Variants in OLA1 observed in about 807,000 individuals in gnomAD.
OLA1 encodes obg-like ATPase 1.
In OLA1, 14 loss-of-function variants were observed where a neutral mutation model predicts 48.4. That is an observed-to-expected ratio of 0.29 (90% CI 0.19 to 0.45). OLA1 has a LOEUF of 0.45. OLA1 is among the 20% of genes least tolerant of loss of function. The probability of loss-of-function intolerance (pLI) is 1.00; values close to 1 mark genes in which losing one functional copy is unlikely to be tolerated. For missense variants in OLA1, 325 were observed against 467.1 expected, an observed-to-expected ratio of 0.70 and a Z score of 2.80; for synonymous variants, 127 against 150.4, an observed-to-expected ratio of 0.84 and a Z score of 1.14.
intron 2 of OLA1, among the ~76,000 whole-genome samples, chr2:174,244,305 A>AT (rs1294955290): frequency 1.3e-5 from 2 of 152,366 alleles, no homozygotes; most frequent in East Asian, 3.9e-4. Context: ...AAATGAGTGA[A>AT]TTTTACTATT....
chr2:174,196,527 G>A (rs1002895225), intron 4 of OLA1, among the ~76,000 whole-genome samples: 1 of 152,170 alleles, frequency 6.6e-6, no homozygotes, highest in Non-Finnish European at 1.5e-5. Context: ...CAGTTCAAGG[G>A]AAGAACTTCA....
At chr2:174,105,491 T>G (rs1371126359) in intron 7 of OLA1, among the ~76,000 whole-genome samples, 1 of 152,028 alleles carries the variant, frequency 6.6e-6, no homozygotes, top group East Asian at 1.9e-4. Context: ...AATTAATGTA[T>G]AACACCACCT....
In OLA1 at chr2:174,123,595, C is replaced by T; in HGVS notation, c.630G>A (p.Glu210=). Residue 210 remains glutamate, a splice_region_variant and synonymous_variant, in exon 6 of 11, where the codon GAG becomes GAA. Transcript: ENST00000284719. ...VRFYHDWNDK[E]IEVLNKHLFL... is the part of the protein sequence containing the mutation. ...AGATGGCATGATATTTACAACTTAC[C>T]TCTTTGTCATTCCAATCATGATAGA... The T allele has an allele frequency of 6.4e-7, 1 of 1,569,772 alleles. No homozygotes were observed. The highest frequency in any genetic ancestry group is 8.7e-7 in the Non-Finnish European group (1 of 1,155,850).
intron 7 of OLA1, among the ~76,000 whole-genome samples, chr2:174,102,333 G>A (rs1192471302): frequency 2.0e-5 from 3 of 151,896 alleles, no homozygotes; most frequent in Admixed American, 6.6e-5. Context: ...CAAAAGGCAA[G>A]TGAAAAAAGT....
chr2:174,148,461 C>A (rs1438969307), intron 4 of OLA1, among the ~76,000 whole-genome samples: 1 of 152,012 alleles, frequency 6.6e-6, no homozygotes, highest in Non-Finnish European at 1.5e-5. Flanking sequence ...TCACATAATG[C>A]GTAACTAAAA....
intron 4 of OLA1, among the ~76,000 whole-genome samples, chr2:174,219,006 T>TTTTTTTTTTTTTTTTTTTG (rs57416373): frequency 1.5e-5 from 2 of 135,802 alleles, no homozygotes. Flanking sequence ...TTTTTTTTTT[T>TTTTTTTTTTTTTTTTTTTG]GTAGCAATGT....
At chr2:174,110,985 T>C (rs1194006104) in intron 7 of OLA1, among the ~76,000 whole-genome samples, 2 of 152,212 alleles carry the variant, frequency 1.3e-5, no homozygotes, top group Non-Finnish European at 2.9e-5. Context: ...TCTATCTATG[T>C]TCATACACAT....
chr2:174,223,663 C>A (rs915522385), intron 3 of OLA1, among the ~76,000 whole-genome samples: 1 of 147,686 alleles, frequency 6.8e-6, no homozygotes, highest in South Asian at 2.1e-4. Flanking sequence ...AGAGGAGTTA[C>A]GAAATCTATT....
intron 4 of OLA1, among the ~76,000 whole-genome samples, chr2:174,207,334 T>G (rs1688139013): frequency 6.6e-6 from 1 of 152,156 alleles, no homozygotes; most frequent in Admixed American, 6.5e-5. Context: ...TTTAAAGCCC[T>G]GAGCAATTTA....
At chr2:174,163,753 TATATATATATATATATATATATAAATA>T (rs1687083656) in intron 4 of OLA1, among the ~76,000 whole-genome samples, 1 of 39,890 alleles carries the variant, frequency 2.5e-5, no homozygotes, top group African/African-American at 9.6e-5. Flanking sequence ...TATATATATA[TATATATATATATATATATATATAAATA>T]AATGTTTGGG....
intron 4 of OLA1, among the ~76,000 whole-genome samples, chr2:174,179,419 A>T (rs1458037427): frequency 2.0e-5 from 3 of 151,932 alleles, no homozygotes; most frequent in African/African-American, 4.8e-5. Flanking sequence ...TTAAATATAT[A>T]TATATTTGTT....
intron 4 of OLA1, among the ~76,000 whole-genome samples, chr2:174,153,620 G>A (rs1057380966): frequency 6.6e-6 from 1 of 152,092 alleles, no homozygotes; most frequent in African/African-American, 2.4e-5. Context: ...CACCATTAAA[G>A]AATCCTTAAA....
At chr2:174,212,777 AG>A (rs1339064429) in intron 4 of OLA1, among the ~76,000 whole-genome samples, 1 of 152,182 alleles carries the variant, frequency 6.6e-6, no homozygotes, top group African/African-American at 2.4e-5. Context: ...GAGGATCATC[AG>A]TGTCACTGTC....
chr2:174,093,654 T>C (rs1685178460), intron 7 of OLA1, among the ~76,000 whole-genome samples: 1 of 152,248 alleles, frequency 6.6e-6, no homozygotes, highest in Non-Finnish European at 1.5e-5. Context: ...AATTTTATAT[T>C]CTGGTTGTAA....
At chr2:174,138,745 A>G (rs1339339665) in intron 5 of OLA1, among the ~76,000 whole-genome samples, 2 of 152,252 alleles carry the variant, frequency 1.3e-5, no homozygotes, top group South Asian at 2.1e-4. Flanking sequence ...TTCGTTAAAA[A>G]CAAATAGCTT....
intron 4 of OLA1, among the ~76,000 whole-genome samples, chr2:174,221,247 G>C (rs189298520): frequency 6.6e-5 from 9 of 137,060 alleles, no homozygotes; most frequent in Admixed American, 3.7e-4. Flanking sequence ...TAGTATGTAT[G>C]CTCCTCACCA....
intron 5 of OLA1, among the ~76,000 whole-genome samples, chr2:174,137,899 CA>C (rs1486925639): frequency 6.6e-6 from 1 of 152,284 alleles, no homozygotes; most frequent in East Asian, 1.9e-4. Context: ...TGGTGGTACA[CA>C]CCTATAATCC....
intron 5 of OLA1, among the ~76,000 whole-genome samples, chr2:174,138,959 T>C (rs2105378187): frequency 6.6e-6 from 1 of 152,348 alleles, no homozygotes; most frequent in East Asian, 1.9e-4. Flanking sequence ...CTAAGTATAA[T>C]GCTTTCCAAA....
intron 7 of OLA1, among the ~76,000 whole-genome samples, chr2:174,102,061 G>C (rs758670760): frequency 6.6e-6 from 1 of 152,126 alleles, no homozygotes; most frequent in Middle Eastern, 3.2e-3. Flanking sequence ...CAGGAATAAT[G>C]AAACTTGAAA....
Sources: gnomAD v4.1 joint callset for allele counts (sites outside exome capture counted in the v4.1 genomes callset) on GRCh38, gnomAD v4.1.1 for gene constraint, MANE v1.5 for transcripts, NCBI Gene and HGNC (gene_info 2026-07-23, HGNC 2026-07-21) for gene names.